Variants in TOP6BL observed in about 807,000 individuals in gnomAD.
The protein encoded by TOP6BL is type 2 DNA topoisomerase 6 subunit B-like.
the TOP6BL span, among the ~76,000 whole-genome samples, chr11:66,780,475 T>A: frequency 6.6e-6 from 1 of 152,328 alleles, no homozygotes; most frequent in Non-Finnish European, 1.5e-5. Context: ...ACCTCATTTT[T>A]AAAGGATATT....
the TOP6BL span, chr11:66,816,244 C>T: frequency 1.3e-6 from 2 of 1,560,886 alleles, no homozygotes; most frequent in Admixed American, 3.7e-5. Context: ...GTGCCAAATG[C>T]TAAGAGAGAG....
chr11:66,746,732 A>G, the TOP6BL span, among the ~76,000 whole-genome samples: 3 of 151,228 alleles, frequency 2.0e-5, no homozygotes, highest in South Asian at 2.1e-4. Flanking sequence ...AAAAATTAGC[A>G]GGGTGTGGTG....
chr11:66,822,519 T>C, the TOP6BL span: 1 of 1,279,944 alleles, frequency 7.8e-7, no homozygotes, highest in Non-Finnish European at 1.1e-6. Flanking sequence ...CTAAACCACA[T>C]CTTGGGATTC....
chr11:66,824,267 C>T, the TOP6BL span, among the ~76,000 whole-genome samples: 60 of 151,346 alleles, frequency 4.0e-4, no homozygotes, highest in Non-Finnish European at 6.5e-4. Context: ...TTTTTTGAGT[C>T]GGAGTTTCGC....
chr11:66,797,022 C>T, the TOP6BL span, among the ~76,000 whole-genome samples: 1 of 145,902 alleles, frequency 6.9e-6, no homozygotes, highest in African/African-American at 2.5e-5. Flanking sequence ...TTTTTTGAGA[C>T]AGAGTCTTAC....
chr11:66,800,731 A>G, the TOP6BL span: 4 of 1,511,434 alleles, frequency 2.6e-6, no homozygotes, highest in African/African-American at 1.4e-5. Flanking sequence ...AGATGATGCT[A>G]TGGCTCTGCA....
chr11:66,789,539 G>A, the TOP6BL span, among the ~76,000 whole-genome samples: 1 of 152,158 alleles, frequency 6.6e-6, no homozygotes, highest in African/African-American at 2.4e-5. Flanking sequence ...TTAGGAGAAT[G>A]GAGGGTAAAC....
At chr11:66,748,446 G>A in the TOP6BL span, 1 of 1,547,966 alleles carries the variant, frequency 6.5e-7, no homozygotes, top group Admixed American at 2.0e-5. Context: ...TTGCTAGAAG[G>A]GCAGCTAGTG....
the TOP6BL span, among the ~76,000 whole-genome samples, chr11:66,761,382 GA>G: frequency 4.0e-5 from 6 of 151,056 alleles, no homozygotes; most frequent in African/African-American, 1.5e-4. Flanking sequence ...CAAAAAAAAA[GA>G]AAAAAAGATA....
At chr11:66,842,833 C>A in the TOP6BL span, 1 of 1,545,980 alleles carries the variant, frequency 6.5e-7, no homozygotes, top group East Asian at 2.4e-5. Context: ...GATGAAGAGG[C>A]TTGTTTTTCT....
chr11:66,838,805 C>T, the TOP6BL span, among the ~76,000 whole-genome samples: 1 of 152,198 alleles, frequency 6.6e-6, no homozygotes, highest in African/African-American at 2.4e-5. Flanking sequence ...CATCTCGGCT[C>T]ACTGCAAGCT....
the TOP6BL span, among the ~76,000 whole-genome samples, chr11:66,809,378 TATCCA>T: frequency 6.6e-6 from 1 of 152,216 alleles, no homozygotes. Flanking sequence ...TAGAATTTCA[TATCCA>T]ATCCAAATAT....
chr11:66,825,514 G>C, the TOP6BL span, among the ~76,000 whole-genome samples: 1 of 150,072 alleles, frequency 6.7e-6, no homozygotes, highest in African/African-American at 2.4e-5. Flanking sequence ...AAAGGCCCCA[G>C]AGAGACCCTT....
At chr11:66,798,383 T>C in the TOP6BL span, among the ~76,000 whole-genome samples, 2 of 151,822 alleles carry the variant, frequency 1.3e-5, no homozygotes, top group African/African-American at 2.4e-5. Context: ...GCGGATTGCT[T>C]GAGCTCAGGA....
chr11:66,784,409 G>A, the TOP6BL span, among the ~76,000 whole-genome samples: 2 of 151,450 alleles, frequency 1.3e-5, no homozygotes, highest in Non-Finnish European at 1.5e-5. Flanking sequence ...TGGTCCTCCC[G>A]CCTTGGCCTC....
chr11:66,839,120 T>C, the TOP6BL span: 1 of 456,272 alleles, frequency 2.2e-6, no homozygotes. Flanking sequence ...TCTCCATACA[T>C]GTCTCCTGCA....
chr11:66,794,016 G>A, the TOP6BL span, among the ~76,000 whole-genome samples: 1 of 151,218 alleles, frequency 6.6e-6, no homozygotes, highest in South Asian at 2.1e-4. Context: ...GGAAGCTGAG[G>A]TGGGAGGGTT....
the TOP6BL span, among the ~76,000 whole-genome samples, chr11:66,794,210 C>G: frequency 6.6e-6 from 1 of 150,450 alleles, no homozygotes; most frequent in Non-Finnish European, 1.5e-5. Context: ...CATATTTTGA[C>G]ATCTGGGACC....
At chr11:66,829,830 C>T in the TOP6BL span, among the ~76,000 whole-genome samples, 1 of 152,074 alleles carries the variant, frequency 6.6e-6, no homozygotes, top group African/African-American at 2.4e-5. Flanking sequence ...CAGAGGTTGC[C>T]GTGAGCTAAA....
Sources: gnomAD v4.1 joint callset for allele counts (sites outside exome capture counted in the v4.1 genomes callset) on GRCh38, gnomAD v4.1.1 for gene constraint, MANE v1.5 for transcripts, NCBI Gene and HGNC (gene_info 2026-07-23, HGNC 2026-07-21) for gene names.